SULT2B1: variants seen among roughly 807,000 people sequenced by gnomAD.
SULT2B1 encodes the protein sulfotransferase 2B1.
Under a neutral mutation model 33.2 loss-of-function variants are expected in SULT2B1, and 16 were observed. The ratio of observed to expected loss-of-function variants is 0.48; its 90% CI spans 0.33 to 0.73. The LOEUF (loss-of-function observed/expected upper bound fraction) is 0.73. Ranked by LOEUF, SULT2B1 falls within the 30% of genes least tolerant of loss-of-function variation. The pLI is 0.02. For synonymous variants in SULT2B1, 186 were observed against 200.5 expected (o/e 0.93, Z 0.61); for missense variants, 500 against 506.0 (o/e 0.99, Z 0.11).
chr19:48,555,424 C>T (rs1483232732), intron 1 of SULT2B1, among the ~76,000 whole-genome samples: 7 of 152,074 alleles, frequency 4.6e-5, no homozygotes, highest in South Asian at 2.1e-4. Flanking sequence ...TCCCTGGCCA[C>T]GCTTGTTCCC....
At chr19:48,560,135 G>A (rs79725161) in intron 1 of SULT2B1, among the ~76,000 whole-genome samples, 1,991 of 152,142 alleles carry the variant, frequency 0.013, 45 homozygotes, top group African/African-American at 0.046. Context: ...ACCTGGGCTC[G>A]CAGCTGACTC....
At chr19:48,571,191 A>ATTTC (rs1283755176) in intron 1 of SULT2B1, among the ~76,000 whole-genome samples, 40 of 79,280 alleles carry the variant, frequency 5.0e-4, no homozygotes, top group African/African-American at 2.3e-3. Flanking sequence ...TGGCTAATTT[A>ATTTC]TTTATTTATT....
chr19:48,570,732 T>TG (rs61282995), intron 1 of SULT2B1, among the ~76,000 whole-genome samples: 14 of 20,468 alleles, frequency 6.8e-4, no homozygotes, highest in African/African-American at 5.1e-3. Flanking sequence ...TTGTTTTTGT[T>TG]TTTTTTTTCT....
intron 1 of SULT2B1, among the ~76,000 whole-genome samples, chr19:48,558,514 C>A (rs1973132784): frequency 6.6e-6 from 1 of 152,028 alleles, no homozygotes; most frequent in South Asian, 2.1e-4. Flanking sequence ...CTGGCGCCGG[C>A]ACCTTCTGAT....
At chr19:48,572,437 C>A (rs12977025) in intron 1 of SULT2B1, among the ~76,000 whole-genome samples, 1 of 151,666 alleles carries the variant, frequency 6.6e-6, no homozygotes, top group Non-Finnish European at 1.5e-5. Context: ...AGCTTGAACC[C>A]AGGAAGGCGG....
chr19:48,558,680 T>C (rs1192349046), intron 1 of SULT2B1, among the ~76,000 whole-genome samples: 1 of 47,006 alleles, frequency 2.1e-5, no homozygotes, highest in East Asian at 7.5e-4. Context: ...TTTTCTTTTC[T>C]TTTTTTTTTT....
chr19:48,593,768 G>A (rs1973674717), intron 5 of SULT2B1, among the ~76,000 whole-genome samples: 3 of 149,866 alleles, frequency 2.0e-5, no homozygotes, highest in Admixed American at 2.0e-4. Flanking sequence ...CCAAGCAGCT[G>A]GGATTACAGG....
chr19:48,578,511 G>A (rs1973443249), intron 2 of SULT2B1, among the ~76,000 whole-genome samples: 1 of 152,098 alleles, frequency 6.6e-6, no homozygotes, highest in Non-Finnish European at 1.5e-5. Flanking sequence ...CAGTCTGGGA[G>A]GTGGAGGTTG....
rs9676529 is a variant in SULT2B1 at position 48,569,363 on chromosome 19, C to T, written c.72-6578C>T. Among the ~76,000 whole-genome samples the T allele has an allele frequency of 7.5e-3, 249 of 33,008 alleles. 3 individuals carry two copies. Among genetic ancestry groups the T allele is most frequent in the African/African-American group, 0.03 (196 of 6,476 alleles). 21.7% of individuals were successfully genotyped at this position (33,008 alleles called of 152,430 possible). A position where few individuals can be genotyped will look rare whatever the true frequency, so the allele number is the denominator to read the frequency against. On this transcript the variant is annotated intron_variant, in intron 1 of 6. Coordinates refer to ENST00000201586, the MANE Select transcript of SULT2B1 (RefSeq NM_177973.2). ...TCTCAAAAAAAAAAAAAAAAAAAAACATATATATATATATATATATATATA... is the reference window on the plus strand; with the variant it reads ...TCTCAAAAAAAAAAAAAAAAAAAAATATATATATATATATATATATATATA...
At chr19:48,557,332 G>A (rs1973112273) in intron 1 of SULT2B1, among the ~76,000 whole-genome samples, 2 of 148,592 alleles carry the variant, frequency 1.3e-5, no homozygotes, top group Admixed American at 1.4e-4. Flanking sequence ...TTGAGGTCAG[G>A]AGTTCAAGAC....
At chr19:48,596,394 T>A (rs1973714164) in intron 5 of SULT2B1, 2 of 262,542 alleles carry the variant, frequency 7.6e-6, no homozygotes, top group Non-Finnish European at 7.2e-6. Flanking sequence ...CCAGGTAAGG[T>A]GATGCACTGA....
rs367853509 is a variant in SULT2B1 at position 48,597,135 on chromosome 19, C to T, written c.826+216C>T. ...GCGTCCCCATCCAGAGAACTCCCAACGACAGCAAAACATCCAGGAGTACTG... is the reference window on the plus strand; with the variant it reads ...GCGTCCCCATCCAGAGAACTCCCAATGACAGCAAAACATCCAGGAGTACTG... On this transcript the variant is annotated intron_variant, in intron 6 of 6. Coordinates refer to ENST00000201586, the MANE Select transcript of SULT2B1 (RefSeq NM_177973.2). Among the ~76,000 whole-genome samples the T allele has an allele frequency of 1.1e-4, 16 of 152,248 alleles. No individual in the cohort carries two copies. The East Asian group carries it at 2.1e-3, about 20-fold the overall frequency.
chr19:48,598,743 C>T (rs1391322580), intron 6 of SULT2B1, among the ~76,000 whole-genome samples: 2 of 151,962 alleles, frequency 1.3e-5, no homozygotes, highest in African/African-American at 4.8e-5. Flanking sequence ...GTTGTGGGGG[C>T]ATTGAGACAG....
intron 1 of SULT2B1, among the ~76,000 whole-genome samples, chr19:48,571,504 G>T (rs1973328201): frequency 6.6e-6 from 1 of 151,806 alleles, no homozygotes; most frequent in South Asian, 2.1e-4. Context: ...GCCTGCCCAG[G>T]CTGGTCTTGA....
rs10589655 is a variant in SULT2B1, at chr19:48,573,155, C to CAA, written c.72-2768_72-2767dup. On this transcript the variant is annotated intron_variant, in intron 1 of 6. Coordinates refer to ENST00000201586, the MANE Select transcript of SULT2B1 (RefSeq NM_177973.2). ...CTGGTGACAGAGCAGGACTCCATCT[C>CAA]AAAAAAAAAAAAAAAAAAATTTACA... 2.3e-3 allele frequency among the ~76,000 whole-genome samples: 277 copies of CAA among 122,246 alleles called. 3 individuals carry two copies. Among genetic ancestry groups the CAA allele is most frequent in the African/African-American group, 7.9e-3 (253 of 32,014 alleles). The allele number at this position is 122,246 out of a possible 152,430, so 80.2% of individuals were successfully genotyped here.
At chr19:48,580,785 C>A (rs767335115) in intron 2 of SULT2B1, among the ~76,000 whole-genome samples, 2 of 151,582 alleles carry the variant, frequency 1.3e-5, no homozygotes, top group Non-Finnish European at 2.9e-5. Context: ...CCACACCCAG[C>A]TAATTTTTGT....
intron 2 of SULT2B1, among the ~76,000 whole-genome samples, chr19:48,585,304 AC>A (rs1973547376): frequency 1.3e-5 from 2 of 152,082 alleles, no homozygotes; most frequent in South Asian, 4.2e-4. Flanking sequence ...GAAATTCAAA[AC>A]TGTGAATTGG....
intron 2 of SULT2B1, among the ~76,000 whole-genome samples, chr19:48,580,183 T>C (rs534622531): frequency 4.6e-5 from 7 of 152,042 alleles, no homozygotes; most frequent in Admixed American, 6.6e-5. Flanking sequence ...TCTCCCTCCT[T>C]GGCCTCCCAA....
At chr19:48,571,649 C>A (rs2246837) in intron 1 of SULT2B1, among the ~76,000 whole-genome samples, 95,450 of 149,400 alleles carry the variant, frequency 0.64, 31,296 homozygotes, top group African/African-American at 0.73. Flanking sequence ...AAGAAAAAAA[C>A]ACCAGATTTT....
Sources: gnomAD v4.1 joint callset for allele counts (sites outside exome capture counted in the v4.1 genomes callset) on GRCh38, gnomAD v4.1.1 for gene constraint, MANE v1.5 for transcripts, NCBI Gene and HGNC (gene_info 2026-07-23, HGNC 2026-07-21) for gene names.